ASXL3: variants seen among roughly 807,000 people sequenced by gnomAD.
The protein encoded by ASXL3 is putative Polycomb group protein ASXL3.
Under a neutral mutation model 170.6 loss-of-function variants are expected in ASXL3, and 34 were observed. The observed-to-expected ratio is 0.20, with a 90% CI of 0.15 to 0.27. ASXL3 has a LOEUF of 0.27. ASXL3 is among the 10% of genes least tolerant of loss of function. ASXL3 has a pLI of 1.00. For synonymous variants in ASXL3, 1,002 were observed against 989.1 expected (o/e 1.01, Z -0.24); for missense variants, 2,592 against 2,695.3 (o/e 0.96, Z 0.85).
intron 4 of ASXL3, among the ~76,000 whole-genome samples, chr18:33,651,436 G>A (rs908239585): frequency 6.6e-6 from 1 of 151,992 alleles, no homozygotes; most frequent in Admixed American, 6.6e-5. Context: ...AAGAGAGAGG[G>A]GTGTGGGAGA....
chr18:33,591,486 A>C lies in ASXL3; in HGVS notation c.54+12801A>C, dbSNP rs188689639. 4.6e-3 allele frequency among the ~76,000 whole-genome samples: 708 copies of C among 152,268 alleles called. 4 individuals are homozygous for C. The highest frequency in any genetic ancestry group is 0.013 in the Admixed American group (206 of 15,300). On this transcript the variant is annotated intron_variant, in intron 1 of 11. Coordinates refer to ENST00000269197, the MANE Select transcript of ASXL3 (RefSeq NM_030632.3). ...TATCTCCTATTCTCATCCTTTCTCCAATTTTTATTTCTTTGTCATTTTTTG... is the reference window on the plus strand; with the variant it reads ...TATCTCCTATTCTCATCCTTTCTCCCATTTTTATTTCTTTGTCATTTTTTG...
At chr18:33,726,514 A>C (rs2067353228) in intron 8 of ASXL3, among the ~76,000 whole-genome samples, 1 of 152,196 alleles carries the variant, frequency 6.6e-6, no homozygotes, top group Non-Finnish European at 1.5e-5. Flanking sequence ...AAGAATTCAT[A>C]TTCAAAGAGA....
chr18:33,645,774 G>T (rs1205082221), intron 3 of ASXL3, among the ~76,000 whole-genome samples: 2 of 151,344 alleles, frequency 1.3e-5, no homozygotes, highest in Non-Finnish European at 2.9e-5. Context: ...AATGTCAAAA[G>T]TTAGACAACA....
intron 8 of ASXL3, among the ~76,000 whole-genome samples, chr18:33,714,964 G>A (rs2067138907): frequency 6.6e-6 from 1 of 152,150 alleles, no homozygotes; most frequent in Non-Finnish European, 1.5e-5. Context: ...AACAAGGACA[G>A]CTGATTGCAA....
intron 2 of ASXL3, among the ~76,000 whole-genome samples, chr18:33,618,496 T>G (rs1467587548): frequency 6.6e-6 from 1 of 152,128 alleles, no homozygotes; most frequent in Non-Finnish European, 1.5e-5. Context: ...TGTGGAGATG[T>G]AGATATTACT....
Position 33,744,184 on chromosome 18 carries a change from A to T in ASXL3, c.4336A>T (p.Arg1446Trp), listed in dbSNP as rs773736437. The T allele has an allele frequency of 3.1e-6, 5 of 1,613,856 alleles. No individual in the cohort carries two copies. In the South Asian group the frequency reaches 5.5e-5, roughly 18 times the overall value. The change falls in exon 12 of 12, where the codon AGG (arginine) becomes TGG (tryptophan). Residue 1446 changes from arginine (R) to tryptophan (W), a missense_variant. Coordinates refer to ENST00000269197, the MANE Select transcript of ASXL3 (RefSeq NM_030632.3). ...SLDKNSGPRNRADNSGKPQQP... is the reference protein window; with the variant it reads ...SLDKNSGPRNWADNSGKPQQP... ...GGACAAAAATTCAGGGCCTCGAAAC[A>T]GGGCAGATAATTCTGGAAAACCTCA...
At chr18:33,644,032 C>T (rs2065882450) in intron 2 of ASXL3, among the ~76,000 whole-genome samples, 2 of 151,806 alleles carry the variant, frequency 1.3e-5, no homozygotes, top group Non-Finnish European at 2.9e-5. Flanking sequence ...GCAATCAAAA[C>T]ACAAAATTTG....
rs375331648 is a variant in ASXL3, at chr18:33,738,736, C to G, written c.1332C>G (p.Ile444Met). The G allele has an allele frequency of 3.2e-5, 51 of 1,613,760 alleles. No individual in the cohort carries two copies. The highest frequency in any genetic ancestry group is 4.1e-5 in the Non-Finnish European group (48 of 1,179,874). Residue 444 changes from isoleucine (I) to methionine (M), a missense_variant, in exon 11 of 12, where the codon ATC becomes ATG. Physicochemically the swap from Ile to Met is conservative, Grantham distance 10. Around this residue, in one of 4 missense-constraint regions of ASXL3, gnomAD observed 2,246 missense variants for 2,219.6 expected, o/e 1.01. Coordinates refer to ENST00000269197, the MANE Select transcript of ASXL3 (RefSeq NM_030632.3). ...MAELESEDIL[I>M]PEESVIQEEI... Reference sequence around the variant, plus strand: ...AATTGGAGTCAGAGGATATCTTGATCCCTGAAGAATCTGTAATTCAGGAGG... The same window carrying G: ...AATTGGAGTCAGAGGATATCTTGATGCCTGAAGAATCTGTAATTCAGGAGG...
intron 1 of ASXL3, among the ~76,000 whole-genome samples, chr18:33,597,807 CA>C (rs995373355): frequency 4.4e-5 from 6 of 137,808 alleles, no homozygotes; most frequent in Admixed American, 2.2e-4. Context: ...AAAAAAAAAA[CA>C]AAAAAAACAA....
intron 1 of ASXL3, among the ~76,000 whole-genome samples, chr18:33,586,962 C>G (rs534879432): frequency 1.3e-5 from 2 of 152,248 alleles, no homozygotes; most frequent in East Asian, 1.9e-4. Context: ...GTCTGTCTTC[C>G]GAGTATAGCT....
intron 8 of ASXL3, among the ~76,000 whole-genome samples, chr18:33,692,399 C>T (rs2066700904): frequency 6.6e-6 from 1 of 152,116 alleles, no homozygotes; most frequent in Non-Finnish European, 1.5e-5. Flanking sequence ...TTCCTCAAAC[C>T]CAAGCCTTTT....
At chr18:33,679,903 T>G (rs992949515) in intron 7 of ASXL3, among the ~76,000 whole-genome samples, 4 of 152,048 alleles carry the variant, frequency 2.6e-5, no homozygotes, top group African/African-American at 9.7e-5. Context: ...TTATACCATC[T>G]CAGGCCAGAG....
chr18:33,713,338 T>TCCCCC (rs1294772302), intron 8 of ASXL3, among the ~76,000 whole-genome samples: 6 of 62,858 alleles, frequency 9.5e-5, no homozygotes, highest in African/African-American at 1.5e-4. Flanking sequence ...CACTGCAACC[T>TCCCCC]CCACCCCCCC....
intron 9 of ASXL3, 59 bp from the exon 10 acceptor site, chr18:33,734,251 T>A: frequency 8.4e-7 from 1 of 1,190,326 alleles, no homozygotes; most frequent in Non-Finnish European, 1.2e-6. Flanking sequence ...CATGTTTTCT[T>A]TATTAATTAG....
chr18:33,630,622 A>C (rs1386293068), intron 2 of ASXL3, among the ~76,000 whole-genome samples: 3 of 151,988 alleles, frequency 2.0e-5, no homozygotes, highest in African/African-American at 7.2e-5. Flanking sequence ...TCAAACATTT[A>C]AAGGTAAAAT....
chr18:33,706,279 T>G (rs2066956442), intron 8 of ASXL3, among the ~76,000 whole-genome samples: 1 of 151,802 alleles, frequency 6.6e-6, no homozygotes, highest in Non-Finnish European at 1.5e-5. Flanking sequence ...AACATGGACA[T>G]TTTGGTATTT....
intron 2 of ASXL3, among the ~76,000 whole-genome samples, chr18:33,642,364 C>A (rs1411023310): frequency 6.6e-6 from 1 of 151,710 alleles, no homozygotes; most frequent in African/African-American, 2.4e-5. Flanking sequence ...GCATTTAGCT[C>A]ATTTGATGCG....
In ASXL3 at chr18:33,637,625, T is replaced by G. The variant is rs142656597; in HGVS notation, c.138-7269T>G. ...GTCTGTTCTTTTAATATATAAAATT[T>G]ACTATTTTATTTTGTAAGATACAGT... On this transcript the variant is annotated intron_variant, in intron 2 of 11. Coordinates refer to ENST00000269197, the MANE Select transcript of ASXL3 (RefSeq NM_030632.3). 9.1e-3 allele frequency among the ~76,000 whole-genome samples: 1,387 copies of G among 152,252 alleles called. 10 individuals carry two copies. Among genetic ancestry groups the G allele is most frequent in the Non-Finnish European group, 0.014 (944 of 68,014 alleles).
At chr18:33,595,408 A>C (rs2065116726) in intron 1 of ASXL3, among the ~76,000 whole-genome samples, 1 of 152,202 alleles carries the variant, frequency 6.6e-6, no homozygotes, top group Non-Finnish European at 1.5e-5. Flanking sequence ...TCTGACTTAA[A>C]AGCATTTATT....
Sources: allele counts gnomAD v4.1 joint callset (sites outside exome capture counted in the v4.1 genomes callset), GRCh38; gene constraint gnomAD v4.1.1; regional missense constraint gnomAD v4.1.1; transcripts MANE v1.5; gene names NCBI Gene and HGNC (gene_info 2026-07-23, HGNC 2026-07-21).